The following MPST variants were observed in gnomAD, a reference collection of about 807,000 sequenced individuals.
MPST encodes the protein mercaptopyruvate sulfurtransferase.
MPST carries 27 observed loss-of-function variants against 28.5 expected under a neutral mutation model. The ratio of observed to expected loss-of-function variants is 0.95; its 90% CI spans 0.70 to 1.31. MPST has a LOEUF of 1.31. Ranked by LOEUF, MPST falls within the 50% of genes most tolerant of loss-of-function variation. The pLI, the probability that MPST is intolerant of heterozygous loss-of-function variation, is 0.00. For synonymous variants in MPST, 204 were observed against 209.3 expected (o/e 0.97, Z 0.22); for missense variants, 492 against 471.1 (o/e 1.04, Z -0.41).
chr22:37,027,145 G>T (rs902678346), intron 2 of MPST: 1 of 152,388 alleles, frequency 6.6e-6, no homozygotes, highest in Non-Finnish European at 1.5e-5. Flanking sequence ...TAGAGACGGG[G>T]TTTCTCCATG....
At position 37,024,564 on chromosome 22, in the gene MPST, T is replaced by A; in HGVS notation, c.409T>A (p.Phe137Ile). ...CTCCGCCCCGCGCGTCTGGTGGATG[T>A]TCCGCGCCTTCGGCCACCACGCCGT... ...LYSAPRVWWM[F>I]RAFGHHAVSL... The change falls in exon 2 of 3, where the codon TTC (phenylalanine) becomes ATC (isoleucine). Residue 137 changes from phenylalanine to isoleucine, a missense_variant. Physicochemically the swap from Phe to Ile is conservative, Grantham distance 21 (BLOSUM62 0). Transcript: ENST00000429360. The A allele has an allele frequency of 6.3e-7, 1 of 1,582,974 alleles. No homozygotes were observed. The highest frequency in any genetic ancestry group is 8.5e-7 in the Non-Finnish European group (1 of 1,171,266).
chr22:37,019,949 C>T lies in MPST; in HGVS notation c.36+77C>T, dbSNP rs1403656661. ...CTTTGGGGGTGCTCGGCGCGGGGCTCCCGCGCGGGACCTGGGCGGAAGAGG... is the reference window on the plus strand; with the variant it reads ...CTTTGGGGGTGCTCGGCGCGGGGCTTCCGCGCGGGACCTGGGCGGAAGAGG... On this transcript the variant is annotated intron_variant, in intron 1 of 2. Coordinates refer to ENST00000429360, the MANE Select transcript of MPST (RefSeq NM_021126.8). The T allele has an allele frequency of 1.7e-5, 12 of 704,408 alleles. No homozygotes were observed. The Admixed American group carries it at 5.2e-4, about 31-fold the overall frequency. The allele number at this position is 704,408 out of a possible 1,614,324, so 43.6% of individuals were successfully genotyped here.
rs1038542246 is a variant in MPST at position 37,029,509 on chromosome 22, C to T, written c.949C>T (p.His317Tyr). The T allele has an allele frequency of 3.7e-6, 6 of 1,601,272 alleles. No homozygotes were observed. In the African/African-American group the frequency reaches 6.7e-5, roughly 18 times the overall value. Reference protein sequence around the residue: ...DVISEGRGKTH With the variant: ...DVISEGRGKTY ...CATCTCAGAGGGCCGGGGGAAGACC[C>T]ACTGAAGCTGGGCAGGACACAGGCG... is the stretch of plus-strand genomic sequence containing the variant. The change falls in exon 3 of 3, where the codon CAC becomes TAC. Residue 317 changes from histidine (H) to tyrosine (Y), a missense_variant. Coordinates refer to ENST00000429360, the MANE Select transcript of MPST (RefSeq NM_021126.8).
intron 1 of MPST, among the ~76,000 whole-genome samples, chr22:37,020,912 G>T (rs184704446): frequency 6.6e-6 from 1 of 152,172 alleles, no homozygotes; most frequent in African/African-American, 2.4e-5. Flanking sequence ...GCCCATCTCA[G>T]CCTCCCAAAG....
intron 1 of MPST, 131 bp downstream of exon 1, chr22:37,020,003 G>A: frequency 2.2e-6 from 1 of 456,850 alleles, no homozygotes; most frequent in Non-Finnish European, 3.6e-6. Context: ...AAGGCGCGCC[G>A]CTACGTTGGC....
At position 37,029,162 on chromosome 22, in the gene MPST, T is replaced by A. The variant is rs772114245; in HGVS notation, c.656-54T>A. On this transcript the variant is annotated intron_variant, in intron 2 of 2. Coordinates refer to ENST00000429360, the MANE Select transcript of MPST (RefSeq NM_021126.8). Reference sequence around the variant, plus strand: ...TATCTCGAGCACCACAAATACGAGGTACCATTCATAGCATCCTTCTATTTG... The same window carrying A: ...TATCTCGAGCACCACAAATACGAGGAACCATTCATAGCATCCTTCTATTTG... 6 of 1,527,662 alleles carry A rather than the reference T, an allele frequency of 3.9e-6. No individual in the cohort carries two copies. In the African/African-American group the frequency reaches 6.8e-5, roughly 17 times the overall value. 94.6% of individuals were successfully genotyped at this position (1,527,662 alleles called of 1,614,324 possible).
At chr22:37,022,586 A>G (rs1923155322) in intron 1 of MPST, among the ~76,000 whole-genome samples, 5 of 152,124 alleles carry the variant, frequency 3.3e-5, no homozygotes, top group South Asian at 2.1e-4. Context: ...TGAGGGGTCA[A>G]ATTCTGGCTG....
intron 1 of MPST, 155 bp from the exon 2 acceptor site, chr22:37,024,037 G>T: frequency 7.8e-7 from 1 of 1,280,884 alleles, no homozygotes; most frequent in Non-Finnish European, 1.0e-6. Flanking sequence ...CCACCTTTGT[G>T]CCCGGGTTCA....
At chr22:37,025,253 TG>T in intron 2 of MPST, 1 of 972,676 alleles carries the variant, frequency 1.0e-6, no homozygotes, top group Non-Finnish European at 1.3e-6. Flanking sequence ...GAACCCTGGT[TG>T]CCCAAACAGC....
chr22:37,029,380 G>A lies in MPST; in HGVS notation c.820G>A (p.Ala274Thr). Residue 274 changes from alanine to threonine, a missense_variant, in exon 3 of 3, where the codon GCC (alanine) becomes ACC (threonine). Physicochemically the swap from Ala to Thr is moderately conservative, Grantham distance 58 (BLOSUM62 0). Transcript: ENST00000429360. Reference protein sequence around the residue: ...LVATCGSGVTACHVALGAYLC... With the variant: ...LVATCGSGVTTCHVALGAYLC... ...GGCCACGTGTGGCTCTGGCGTCACA[G>A]CCTGCCACGTGGCACTAGGGGCCTA... 1 of 1,614,010 alleles carries A rather than the reference G, an allele frequency of 6.2e-7. No homozygotes were observed.
At chr22:37,025,821 T>TTCC (rs1923484317) in intron 2 of MPST, 1 of 152,274 alleles carries the variant, frequency 6.6e-6, no homozygotes, top group South Asian at 2.1e-4. Flanking sequence ...CTGAAGAGCA[T>TTCC]TCCCATGGCT....
At chr22:37,028,245 A>G (rs1923657128) in intron 2 of MPST, 1 of 152,088 alleles carries the variant, frequency 6.6e-6, no homozygotes, top group African/African-American at 2.4e-5. Flanking sequence ...TATAAAAACC[A>G]AATTAGGCCA....
Position 37,019,756 on chromosome 22 carries a change from T to C in MPST, c.-81T>C, listed in dbSNP as rs1922904675. On this transcript the variant is annotated 5_prime_UTR_variant, in exon 1 of 3. Coordinates refer to ENST00000429360, the MANE Select transcript of MPST (RefSeq NM_021126.8). ...GGCGGTGGGCTGTGCCGGAGTCTCC[T>C]CCCTTTGGTCCGCTGCAGGTTGGTG... The C allele has an allele frequency of 1.6e-6, 1 of 606,194 alleles. No individual in the cohort carries two copies. The highest frequency in any genetic ancestry group is 2.4e-6 in the Non-Finnish European group (1 of 416,884). The allele number at this position is 606,194 out of a possible 1,614,324, so 37.6% of individuals were successfully genotyped here. A position where few individuals can be genotyped will look rare whatever the true frequency, so the allele number is the denominator to read the frequency against.
rs781133442 is a variant in MPST, at chr22:37,029,436, C to T, written c.876C>T (p.Tyr292=). Residue 292 remains tyrosine, a synonymous_variant, in exon 3 of 3, where the codon TAC becomes TAT. Transcript: ENST00000429360. ...YLCGKPDVPI[Y]DGSWVEWYMR... ...GCGGCAAGCCAGACGTGCCCATCTA[C>T]GATGGCTCCTGGGTGGAGTGGTACA... The T allele has an allele frequency of 1.2e-5, 20 of 1,613,634 alleles. No homozygotes were observed. Among genetic ancestry groups the T allele is most frequent in the South Asian group, 5.5e-5 (5 of 91,086 alleles).
chr22:37,029,508 C>A lies in MPST; in HGVS notation c.948C>A (p.Thr316=). Reference sequence around the variant, plus strand: ...TCATCTCAGAGGGCCGGGGGAAGACCCACTGAAGCTGGGCAGGACACAGGC... The same window carrying A: ...TCATCTCAGAGGGCCGGGGGAAGACACACTGAAGCTGGGCAGGACACAGGC... The part of the protein sequence containing the change: ...EDVISEGRGK[T]H The change falls in exon 3 of 3, where the codon ACC becomes ACA. Residue 316 remains threonine (T), a synonymous_variant. Coordinates refer to ENST00000429360, the MANE Select transcript of MPST (RefSeq NM_021126.8). 2 of 1,601,662 alleles carry A rather than the reference C, an allele frequency of 1.2e-6. No individual in the cohort carries two copies. The highest frequency in any genetic ancestry group is 1.7e-6 in the Non-Finnish European group (2 of 1,172,786).
intron 2 of MPST, chr22:37,025,235 C>A: frequency 9.1e-7 from 1 of 1,099,290 alleles, no homozygotes; most frequent in Non-Finnish European, 1.2e-6. Context: ...CTCTCCCTAG[C>A]TCATTGGGAA....
intron 1 of MPST, 51 bp downstream of exon 1, chr22:37,019,923 T>G: frequency 3.2e-6 from 3 of 945,120 alleles, no homozygotes; most frequent in Non-Finnish European, 4.1e-6. Context: ...AGGGAGTGGC[T>G]CTTTGGGGGT....
At chr22:37,021,364 C>A (rs1465589383) in intron 1 of MPST, among the ~76,000 whole-genome samples, 1 of 152,150 alleles carries the variant, frequency 6.6e-6, no homozygotes, top group Non-Finnish European at 1.5e-5. Context: ...GCAGGGTGAC[C>A]TCAGATCTCT....
intron 1 of MPST, among the ~76,000 whole-genome samples, chr22:37,021,156 T>C (rs5756489): frequency 0.6 from 90,387 of 151,864 alleles, 27,895 homozygotes; most frequent in African/African-American, 0.76. Flanking sequence ...CAGCTGTGTA[T>C]CCTTCTGACA....
Sources: allele counts gnomAD v4.1 joint callset (sites outside exome capture counted in the v4.1 genomes callset), GRCh38; gene constraint gnomAD v4.1.1; transcripts MANE v1.5; gene names NCBI Gene and HGNC (gene_info 2026-07-23, HGNC 2026-07-21).